The following COL4A3 variants were observed in gnomAD, a reference collection of about 807,000 sequenced individuals.
The protein encoded by COL4A3 is collagen type IV alpha 3 chain.
Under a neutral mutation model 217.4 loss-of-function variants are expected in COL4A3, and 135 were observed. That is an observed-to-expected ratio of 0.62 (90% CI 0.54 to 0.72). The LOEUF (loss-of-function observed/expected upper bound fraction) is 0.72, where lower values mean the gene tolerates loss of function less well. COL4A3 is among the 30% of genes least tolerant of loss of function. The pLI is 0.00. For missense variants in COL4A3, 1,868 were observed against 2,119.9 expected (o/e 0.88, Z 2.33); for synonymous variants, 690 against 736.3 (o/e 0.94, Z 1.02).
At chr2:227,304,320 T>A in intron 46 of COL4A3, 176 bp downstream of exon 46, 1 of 718,642 alleles carries the variant, frequency 1.4e-6, no homozygotes. Context: ...ATAAAAGACC[T>A]TGGAATCTAT....
chr2:227,268,840 A>C (rs971025276), intron 23 of COL4A3: 11 of 152,190 alleles, frequency 7.2e-5, no homozygotes, highest in Non-Finnish European at 1.2e-4. Context: ...AAAAGATAAA[A>C]AATCATTATT....
At chr2:227,168,887 T>A (rs78234500) in intron 1 of COL4A3, among the ~76,000 whole-genome samples, 99 of 152,190 alleles carry the variant, frequency 6.5e-4, no homozygotes, top group South Asian at 1.5e-3. Context: ...TTTTTTCTTT[T>A]TTTTATTTTA....
chr2:227,287,672 G>A (rs1194352796), intron 34 of COL4A3, among the ~76,000 whole-genome samples: 1 of 152,152 alleles, frequency 6.6e-6, no homozygotes, highest in Non-Finnish European at 1.5e-5. Context: ...TACTCTCTGG[G>A]AATCCTGTCT....
rs561057172 is a variant in COL4A3 at position 227,277,176 on chromosome 2, G to T, written c.2021-273G>T. ...CTACTAAAAATACAAAAAATTAGCC[G>T]GGCGTGGTGGCGGGCACCTGTGGTC... On this transcript the variant is annotated intron_variant, in intron 27 of 51. Transcript: ENST00000396578. Among the ~76,000 whole-genome samples, 10 of 152,082 alleles carry T rather than the reference G, an allele frequency of 6.6e-5. No individual in the cohort carries two copies. The South Asian group carries it at 2.1e-3, about 32-fold the overall frequency.
rs764174614 is a variant in COL4A3 at position 227,253,268 on chromosome 2, A to G, written c.646-28A>G. The stretch of plus-strand genomic sequence containing the variant: ...TATTTATTCATATTTATTTTTAGAA[A>G]ATAATTTGGTTTTGTGTTTTCTTAC... On this transcript the variant is annotated intron_variant, in intron 11 of 51. Coordinates refer to ENST00000396578, the MANE Select transcript of COL4A3 (RefSeq NM_000091.5). This position sits in a 1 kb window ranked among gnomAD's most constrained non-coding sequence, Gnocchi z 4.4. The G allele has an allele frequency of 1.5e-5, 24 of 1,599,220 alleles. No homozygotes were observed. Among genetic ancestry groups the G allele is most frequent in the Admixed American group, 1.7e-5 (1 of 59,968 alleles).
chr2:227,177,978 G>A (rs1226409933), intron 1 of COL4A3, among the ~76,000 whole-genome samples: 1 of 152,212 alleles, frequency 6.6e-6, no homozygotes, highest in Non-Finnish European at 1.5e-5. Context: ...AAGTGAAAAA[G>A]TGGAAGCTCT....
At chr2:227,187,410 G>T (rs2066072326) in intron 1 of COL4A3, among the ~76,000 whole-genome samples, 1 of 152,120 alleles carries the variant, frequency 6.6e-6, no homozygotes, top group African/African-American at 2.4e-5. Flanking sequence ...TGGCAGGGGA[G>T]AAGTACAGCA....
At chr2:227,241,617 T>C (rs1244973895) in intron 3 of COL4A3, among the ~76,000 whole-genome samples, 2 of 152,108 alleles carry the variant, frequency 1.3e-5, no homozygotes, top group African/African-American at 4.8e-5. Flanking sequence ...GAGGCTGCAG[T>C]GAGCCATGAT....
chr2:227,310,871 T>A lies in COL4A3; in HGVS notation c.4851T>A (p.His1617Gln). ...EFRASPFLEC[H>Q]GRGTCNYYSN... ...GAGCCAGCCCATTTCTAGAATGTCATGGAAGAGGAACGTGCAACTACTATT... is the reference window on the plus strand; with the variant it reads ...GAGCCAGCCCATTTCTAGAATGTCAAGGAAGAGGAACGTGCAACTACTATT... The change falls in exon 51 of 52, where the codon CAT becomes CAA. Residue 1617 changes from histidine (H) to glutamine (Q), a missense_variant. His to Gln is a conservative substitution (Grantham distance 24). Around this residue, in one of 2 missense-constraint regions of COL4A3, gnomAD observed 1,503 missense variants for 1,786.1 expected, o/e 0.84. Coordinates refer to ENST00000396578, the MANE Select transcript of COL4A3 (RefSeq NM_000091.5). The A allele has an allele frequency of 6.2e-7, 1 of 1,614,160 alleles. No individual in the cohort carries two copies. Among genetic ancestry groups the A allele is most frequent in the Non-Finnish European group, 8.5e-7 (1 of 1,180,016 alleles).
At chr2:227,273,202 GA>G in intron 26 of COL4A3, 85 bp downstream of exon 26, 1 of 1,385,440 alleles carries the variant, frequency 7.2e-7, no homozygotes, top group Non-Finnish European at 1.0e-6. Flanking sequence ...CAAGACTAAG[GA>G]AAATATAGAA....
intron 34 of COL4A3, 49 bp from the exon 35 acceptor site, chr2:227,289,101 C>A (rs1184667876): frequency 1.4e-6 from 2 of 1,454,748 alleles, no homozygotes; most frequent in Non-Finnish European, 1.9e-6. Context: ...CAGGCACCTG[C>A]CACCACACCT....
intron 1 of COL4A3, among the ~76,000 whole-genome samples, chr2:227,199,389 A>T (rs1399394644): frequency 6.6e-6 from 1 of 152,184 alleles, no homozygotes; most frequent in Non-Finnish European, 1.5e-5. Flanking sequence ...GCATACTATC[A>T]TCCTAGAAAA....
At chr2:227,221,751 A>G (rs2067798531) in intron 1 of COL4A3, among the ~76,000 whole-genome samples, 1 of 152,186 alleles carries the variant, frequency 6.6e-6, no homozygotes, top group Non-Finnish European at 1.5e-5. Context: ...CTGTTAGAAC[A>G]TAAGCTACCG....
At position 227,284,138 on chromosome 2, in the gene COL4A3, C is replaced by T. The variant is rs536415323; in HGVS notation, c.2747-73C>T. Reference sequence around the variant, plus strand: ...TTGATTTGTTCTGTTTTATAGTAAGCACTGCCAACTTTTTAATCCCTATGA... The same window carrying T: ...TTGATTTGTTCTGTTTTATAGTAAGTACTGCCAACTTTTTAATCCCTATGA... On this transcript the variant is annotated intron_variant, in intron 33 of 51. Coordinates refer to ENST00000396578, the MANE Select transcript of COL4A3 (RefSeq NM_000091.5). The T allele has an allele frequency of 6.5e-5, 103 of 1,590,824 alleles. 1 individual carries two copies. The African/African-American group carries it at 9.5e-4, about 15-fold the overall frequency.
chr2:227,303,656 T>G (rs2073384643), intron 44 of COL4A3, among the ~76,000 whole-genome samples: 1 of 152,224 alleles, frequency 6.6e-6, no homozygotes, highest in African/African-American at 2.4e-5. Context: ...CTTTACAGAC[T>G]CATTAAGCAT....
At chr2:227,233,634 A>G (rs1049269518) in intron 1 of COL4A3, among the ~76,000 whole-genome samples, 1 of 152,222 alleles carries the variant, frequency 6.6e-6, no homozygotes, top group Non-Finnish European at 1.5e-5. Flanking sequence ...AAAACTAAAT[A>G]TTTTACCACT....
chr2:227,239,429 C>G (rs537040574), intron 2 of COL4A3, among the ~76,000 whole-genome samples: 142 of 152,192 alleles, frequency 9.3e-4, no homozygotes, highest in African/African-American at 3.3e-3. Flanking sequence ...GAACCAATCC[C>G]CCACCGACAC....
chr2:227,252,079 A>AC (rs1391211384), intron 11 of COL4A3, among the ~76,000 whole-genome samples: 2 of 145,380 alleles, frequency 1.4e-5, no homozygotes, highest in African/African-American at 2.8e-5. Flanking sequence ...AAAAAAAAAA[A>AC]AAAAAAAAAA....
At chr2:227,190,851 G>A (rs933988780) in intron 1 of COL4A3, among the ~76,000 whole-genome samples, 2 of 152,198 alleles carry the variant, frequency 1.3e-5, no homozygotes, top group East Asian at 1.9e-4. Context: ...AGGTTTCAGT[G>A]AGCCAAGACC....
Sources: gnomAD v4.1 joint callset for allele counts (sites outside exome capture counted in the v4.1 genomes callset) on GRCh38, gnomAD v4.1.1 for gene constraint, gnomAD v4.1.1 regional missense constraint, Gnocchi (gnomAD v3.1) non-coding constraint, MANE v1.5 for transcripts, NCBI Gene and HGNC (gene_info 2026-07-23, HGNC 2026-07-21) for gene names.